PER3: variants seen among roughly 807,000 people sequenced by gnomAD.
PER3 encodes period circadian regulator 3, also known as period circadian protein homolog 3.
Under a neutral mutation model 127.2 loss-of-function variants are expected in PER3, and 107 were observed. The ratio of observed to expected loss-of-function variants is 0.84; its 90% confidence interval spans 0.72 to 0.99. The LOEUF (loss-of-function observed/expected upper bound fraction) is 0.99. PER3 is among the 50% of genes least tolerant of loss of function. The pLI, the probability that PER3 is intolerant of heterozygous loss-of-function variation, is 0.00. For missense variants in PER3, 1,560 were observed against 1,525.8 expected, an observed-to-expected ratio of 1.02 and a Z score of -0.37; for synonymous variants, 618 against 585.8, an observed-to-expected ratio of 1.05 and a Z score of -0.79.
intron 18 of PER3, among the ~76,000 whole-genome samples, chr1:7,828,617 A>G (rs774882896): frequency 1.4e-4 from 21 of 152,248 alleles, no homozygotes; most frequent in Non-Finnish European, 2.8e-4. Context: ...TGAAAATCTA[A>G]GGGAAGGCAG....
At chr1:7,799,162 G>T (rs1434328835) in intron 7 of PER3, among the ~76,000 whole-genome samples, 1 of 152,168 alleles carries the variant, frequency 6.6e-6, no homozygotes, top group Admixed American at 6.5e-5. Flanking sequence ...AGTCAGTTCA[G>T]ATGTAAAATG....
At chr1:7,817,433 A>T (rs533203720) in intron 13 of PER3, among the ~76,000 whole-genome samples, 112 of 152,346 alleles carry the variant, frequency 7.4e-4, no homozygotes, top group Non-Finnish European at 1.3e-3. Flanking sequence ...CTTCAACTGT[A>T]TCTCCTAGGG....
chr1:7,841,017 A>G (rs753628323), intron 21 of PER3, among the ~76,000 whole-genome samples: 67 of 152,232 alleles, frequency 4.4e-4, no homozygotes, highest in Middle Eastern at 3.2e-3. Flanking sequence ...TGAATGGCCT[A>G]TACCAAGGGT....
At chr1:7,834,039 C>T (rs1361413136) in intron 19 of PER3, among the ~76,000 whole-genome samples, 1 of 152,170 alleles carries the variant, frequency 6.6e-6, no homozygotes, top group African/African-American at 2.4e-5. Flanking sequence ...TCTCCTGCCT[C>T]TACCTCCCAA....
intron 15 of PER3, 74 bp downstream of exon 15, chr1:7,820,313 A>G: frequency 6.6e-7 from 1 of 1,508,966 alleles, no homozygotes. Flanking sequence ...TTAATGTCTT[A>G]TATTGTTATA....
chr1:7,830,037 T>C lies in PER3; in HGVS notation c.3090T>C (p.Pro1030=), dbSNP rs2097323556. The change falls in exon 19 of 22, where the codon CCT becomes CCC. Residue 1030 remains proline, a synonymous_variant. Coordinates refer to ENST00000377532, the MANE Select transcript of PER3 (RefSeq NM_001377275.1). The part of the protein sequence containing the change: ...GSPPMKNPSH[P]TASTLSMGLP... ...CTCCCATGAAGAATCCATCCCATCCTACTGCCAGCACACTGTCCATGGGAT... is the reference window on the plus strand; with the variant it reads ...CTCCCATGAAGAATCCATCCCATCCCACTGCCAGCACACTGTCCATGGGAT... The C allele has an allele frequency of 6.2e-7, 1 of 1,610,196 alleles. No individual in the cohort carries two copies. Among genetic ancestry groups the C allele is most frequent in the Non-Finnish European group, 8.5e-7 (1 of 1,178,538 alleles).
chr1:7,788,740 C>T (rs2150457362), intron 5 of PER3, among the ~76,000 whole-genome samples: 1 of 152,060 alleles, frequency 6.6e-6, no homozygotes, highest in East Asian at 1.9e-4. Flanking sequence ...CCCATCTGTA[C>T]TAAAAGTACA....
chr1:7,842,922 G>C lies in PER3; in HGVS notation c.*167G>C. On this transcript the variant is annotated 3_prime_UTR_variant, in exon 22 of 22. Transcript: ENST00000377532. Reference sequence around the variant, plus strand: ...CTTTTTGAAGCAGACATTGTATACAGAATCTTACTTCTCTTTGTTCCTGAT... The same window carrying C: ...CTTTTTGAAGCAGACATTGTATACACAATCTTACTTCTCTTTGTTCCTGAT... 6.7e-6 allele frequency: 3 copies of C among 448,400 alleles called. No homozygotes were observed. Among genetic ancestry groups the C allele is most frequent in the Non-Finnish European group, 1.2e-5 (3 of 255,644 alleles). 27.8% of individuals were successfully genotyped at this position (448,400 alleles called of 1,614,324 possible). A position where few individuals can be genotyped will look rare whatever the true frequency, so the allele number is the denominator to read the frequency against.
At chr1:7,808,181 CAA>C (rs2097203398) in intron 10 of PER3, among the ~76,000 whole-genome samples, 1 of 128,046 alleles carries the variant, frequency 7.8e-6, no homozygotes, top group Admixed American at 1.1e-4. Context: ...TGCAGTGAAC[CAA>C]GATTATGCTA....
chr1:7,785,178 G>A (rs901164340), intron 2 of PER3, among the ~76,000 whole-genome samples, 173 bp downstream of exon 2: 3 of 152,200 alleles, frequency 2.0e-5, no homozygotes, highest in Non-Finnish European at 2.9e-5. Context: ...GAAAATTACC[G>A]AAGAGTATCA....
intron 18 of PER3, 69 bp from the exon 19 acceptor site, chr1:7,829,765 A>G: frequency 1.5e-6 from 2 of 1,312,418 alleles, no homozygotes; most frequent in Admixed American, 1.9e-5. Context: ...AAAACCATGA[A>G]TAAAGGAGGA....
chr1:7,793,990 C>G lies in PER3; in HGVS notation c.626C>G (p.Pro209Arg), dbSNP rs763894818. 3.1e-6 allele frequency: 5 copies of G among 1,613,590 alleles called. No homozygotes were observed. In the East Asian group the frequency reaches 6.7e-5, roughly 22 times the overall value. ...AARYECAPVK[P>R]FFCRIRGGED... Reference sequence around the variant, plus strand: ...CGGTATGAATGTGCTCCGGTGAAACCTTTTTTCTGCAGGATCCGGTAAGTA... The same window carrying G: ...CGGTATGAATGTGCTCCGGTGAAACGTTTTTTCTGCAGGATCCGGTAAGTA... The change falls in exon 6 of 22, where the codon CCT becomes CGT. Residue 209 changes from proline (P) to arginine (R), a missense_variant. Physicochemically the swap from Pro to Arg is moderately radical, Grantham distance 103. Transcript: ENST00000377532.
At chr1:7,807,470 T>C (rs573023371) in intron 10 of PER3, among the ~76,000 whole-genome samples, 3 of 152,160 alleles carry the variant, frequency 2.0e-5, no homozygotes, top group Non-Finnish European at 4.4e-5. Context: ...ACTGTTTCAG[T>C]TTTTAGGTAA....
intron 11 of PER3, among the ~76,000 whole-genome samples, chr1:7,809,653 A>T (rs998159074): frequency 3.9e-5 from 6 of 152,218 alleles, no homozygotes; most frequent in Admixed American, 2.6e-4. Context: ...CTTTTTAACA[A>T]TATGTTGTCC....
chr1:7,812,856 C>T (rs901625249), intron 13 of PER3, among the ~76,000 whole-genome samples: 1 of 152,072 alleles, frequency 6.6e-6, no homozygotes, highest in Admixed American at 6.5e-5. Context: ...TGGAGACCTA[C>T]AAGTTTAAAG....
chr1:7,791,830 C>G (rs569106705), intron 5 of PER3, among the ~76,000 whole-genome samples: 2 of 152,318 alleles, frequency 1.3e-5, no homozygotes, highest in African/African-American at 4.8e-5. Context: ...GTCCTTTACT[C>G]CAGTCCCAAC....
intron 10 of PER3, among the ~76,000 whole-genome samples, chr1:7,805,672 C>CATGA (rs2097189811): frequency 6.6e-6 from 1 of 152,270 alleles, no homozygotes; most frequent in South Asian, 2.1e-4. Flanking sequence ...GGGAAATGAA[C>CATGA]ATGAAATCCG....
chr1:7,844,132 A>C lies in PER3; in HGVS notation c.*1377A>C. 2 of 263,610 alleles carry C rather than the reference A, an allele frequency of 7.6e-6. No homozygotes were observed. Among genetic ancestry groups the C allele is most frequent in the South Asian group, 5.8e-5 (1 of 17,218 alleles). 16.3% of individuals were successfully genotyped at this position (263,610 alleles called of 1,614,324 possible). ...CAGCTTTTTGTAAATGCGTCCTGAT[A>C]ATGATTAGGAAAATCGACCTTTTCA... On this transcript the variant is annotated 3_prime_UTR_variant, in exon 22 of 22. Transcript: ENST00000377532.
chr1:7,820,931 C>CATTATTAATGCA (rs2097273773), intron 16 of PER3, among the ~76,000 whole-genome samples: 1 of 152,144 alleles, frequency 6.6e-6, no homozygotes, highest in African/African-American at 2.4e-5. Flanking sequence ...TAGTGTTAGC[C>CATTATTAATGCA]ATTATTAATG....
Sources: allele counts gnomAD v4.1 joint callset (sites outside exome capture counted in the v4.1 genomes callset), GRCh38; gene constraint gnomAD v4.1.1; transcripts MANE v1.5; gene names NCBI Gene and HGNC (gene_info 2026-07-23, HGNC 2026-07-21).